Variants in KALRN observed in about 807,000 individuals in gnomAD.
KALRN encodes kalirin RhoGEF kinase.
In KALRN, 70 loss-of-function variants were observed where a neutral mutation model predicts 353.7. The observed-to-expected ratio is 0.20, with a 90% CI of 0.16 to 0.24. The LOEUF (loss-of-function observed/expected upper bound fraction) is 0.24, where lower values mean the gene tolerates loss of function less well. KALRN is among the 10% of genes least tolerant of loss of function. KALRN has a pLI of 1.00. For synonymous variants in KALRN, 1,391 were observed against 1,434.8 expected (o/e 0.97, Z 0.69); for missense variants, 2,791 against 3,756.7 (o/e 0.74, Z 6.72).
intron 53 of KALRN, 123 bp downstream of exon 53, chr3:124,694,626 A>AACAG: frequency 2.1e-6 from 2 of 946,262 alleles, no homozygotes; most frequent in Non-Finnish European, 1.6e-6. Context: ...GCTGCCCTGG[A>AACAG]GCCTGTTCTT....
chr3:124,650,749 G>A (rs559322958), intron 37 of KALRN, 59 bp from the exon 38 acceptor site: 1 of 1,545,970 alleles, frequency 6.5e-7, no homozygotes, highest in Non-Finnish European at 8.9e-7. Flanking sequence ...GGAGGACACA[G>A]GGATTCCAAA....
At chr3:124,526,262 C>T (rs1308304907) in intron 33 of KALRN, among the ~76,000 whole-genome samples, 2 of 152,014 alleles carry the variant, frequency 1.3e-5, no homozygotes, top group Non-Finnish European at 2.9e-5. Context: ...TGTTTTTTCT[C>T]GATTAAAAGT....
At chr3:124,086,589 T>C (rs1416514903) in intron 1 of KALRN, among the ~76,000 whole-genome samples, 2 of 152,200 alleles carry the variant, frequency 1.3e-5, no homozygotes, top group Non-Finnish European at 2.9e-5. Flanking sequence ...CTTTGTATAA[T>C]TTATTGTTGC....
rs77611238 is a variant in KALRN at position 124,132,584 on chromosome 3, A to G, written c.74-95406A>G. ...TCAGCCTGGGCAGAGATCTTCTTTT[A>G]CACACGGCAGGACTTGGGGAAGGAA... is the stretch of plus-strand genomic sequence containing the variant. On this transcript the variant is annotated intron_variant, in intron 1 of 59. Coordinates refer to ENST00000682506, the MANE Select transcript of KALRN (RefSeq NM_001388419.1). Among the ~76,000 whole-genome samples the G allele has an allele frequency of 7.0e-4, 107 of 152,282 alleles. No individual in the cohort carries two copies. In the South Asian group the frequency reaches 0.014, roughly 20 times the overall value.
chr3:124,518,522 TC>T, intron 33 of KALRN: 1 of 1,612,738 alleles, frequency 6.2e-7, no homozygotes, highest in Non-Finnish European at 8.5e-7. Flanking sequence ...CGTTGGGACC[TC>T]CCACCAGGAC....
Position 124,492,727 on chromosome 3 carries a change from T to C in KALRN, c.4690-13T>C. On this transcript the variant is annotated splice_polypyrimidine_tract_variant and intron_variant, in intron 31 of 59. Coordinates refer to ENST00000682506, the MANE Select transcript of KALRN (RefSeq NM_001388419.1). ...AGTTGGGGTTCTCAGTCTTTCTCCC[T>C]GTGGCACTCTAGGCCTCCAACATTG... is the stretch of plus-strand genomic sequence containing the variant. 1.2e-6 allele frequency: 2 copies of C among 1,613,430 alleles called. No homozygotes were observed. The highest frequency in any genetic ancestry group is 1.7e-6 in the Non-Finnish European group (2 of 1,179,520).
intron 45 of KALRN, among the ~76,000 whole-genome samples, chr3:124,663,932 GT>G (rs2085224448): frequency 6.6e-6 from 1 of 152,142 alleles, no homozygotes; most frequent in Non-Finnish European, 1.5e-5. Context: ...CCCATCCCAT[GT>G]GTCCCTGTCT....
intron 1 of KALRN, among the ~76,000 whole-genome samples, chr3:124,118,799 A>T (rs573625809): frequency 1.3e-5 from 2 of 152,160 alleles, no homozygotes; most frequent in South Asian, 2.1e-4. Flanking sequence ...AATTGTCACA[A>T]CTCTGGCAGG....
At chr3:124,374,612 T>C (rs2086326190) in intron 10 of KALRN, among the ~76,000 whole-genome samples, 1 of 152,218 alleles carries the variant, frequency 6.6e-6, no homozygotes, top group African/African-American at 2.4e-5. Context: ...TTTTCCTCTT[T>C]TCCTCCGTTA....
At chr3:124,563,491 C>A (rs1049296857) in intron 34 of KALRN, among the ~76,000 whole-genome samples, 7 of 152,156 alleles carry the variant, frequency 4.6e-5, no homozygotes, top group African/African-American at 1.7e-4. Context: ...GCTCTCTGAC[C>A]CCCGACCAAG....
chr3:124,365,018 C>T (rs934211125), intron 10 of KALRN, among the ~76,000 whole-genome samples: 2 of 152,178 alleles, frequency 1.3e-5, no homozygotes, highest in African/African-American at 4.8e-5. Flanking sequence ...ATCCCTCCTG[C>T]CCTGGTCACT....
chr3:124,675,547 G>A (rs1175568396), intron 49 of KALRN: 2 of 65,436 alleles, frequency 3.1e-5, no homozygotes, highest in East Asian at 4.6e-4. Flanking sequence ...TCCCTTTTCT[G>A]TATTTTAGGA....
chr3:124,482,962 G>A, intron 28 of KALRN, 62 bp downstream of exon 28: 1 of 1,143,012 alleles, frequency 8.7e-7, no homozygotes, highest in East Asian at 2.3e-5. Flanking sequence ...GGGAGTCCCA[G>A]CTTTGGCCCC....
intron 33 of KALRN, among the ~76,000 whole-genome samples, chr3:124,534,576 T>G (rs2068352059): frequency 6.6e-6 from 1 of 151,956 alleles, no homozygotes; most frequent in Non-Finnish European, 1.5e-5. Flanking sequence ...AAGCTACATA[T>G]GAAGGAAACC....
intron 53 of KALRN, 131 bp from the exon 54 acceptor site, chr3:124,696,003 A>T: frequency 1.2e-6 from 1 of 854,706 alleles, no homozygotes; most frequent in Non-Finnish European, 1.8e-6. Context: ...TAGGTAGCTC[A>T]CAGACCAGGG....
intron 5 of KALRN, among the ~76,000 whole-genome samples, chr3:124,271,922 T>C (rs1274186095): frequency 6.6e-6 from 1 of 152,188 alleles, no homozygotes; most frequent in Admixed American, 6.5e-5. Flanking sequence ...AACACGGTTA[T>C]TTGCAGGAAC....
At chr3:124,255,008 C>T (rs747741327) in intron 3 of KALRN, among the ~76,000 whole-genome samples, 5 of 151,990 alleles carry the variant, frequency 3.3e-5, no homozygotes, top group South Asian at 4.2e-4. Context: ...TGCAATGGTG[C>T]GATCTCAGCT....
At chr3:124,552,185 G>A (rs1444178434) in intron 33 of KALRN, among the ~76,000 whole-genome samples, 1 of 152,192 alleles carries the variant, frequency 6.6e-6, no homozygotes, top group Non-Finnish European at 1.5e-5. Flanking sequence ...CAGTGACCAG[G>A]AGTATTTGCT....
At chr3:124,614,227 C>A (rs2078298601) in intron 34 of KALRN, among the ~76,000 whole-genome samples, 1 of 150,584 alleles carries the variant, frequency 6.6e-6, no homozygotes, top group Non-Finnish European at 1.5e-5. Context: ...TTACCACTTT[C>A]TTTTTCTAAA....
Sources: gnomAD v4.1 joint callset for allele counts (sites outside exome capture counted in the v4.1 genomes callset) on GRCh38, gnomAD v4.1.1 for gene constraint, MANE v1.5 for transcripts, NCBI Gene and HGNC (gene_info 2026-07-23, HGNC 2026-07-21) for gene names.